WDR89: variants seen among roughly 807,000 people sequenced by gnomAD.
WDR89 encodes WD repeat-containing protein 89.
Under a neutral mutation model 29.1 loss-of-function variants are expected in WDR89, and 17 were observed. That is an observed-to-expected ratio of 0.58 (90% CI 0.40 to 0.88). The LOEUF is 0.88. Ranked by LOEUF, WDR89 falls within the 40% of genes least tolerant of loss-of-function variation. WDR89 has a pLI of 0.00. For missense variants in WDR89, 396 were observed against 456.3 expected, an observed-to-expected ratio of 0.87 and a Z score of 1.20; for synonymous variants, 138 against 157.8, an observed-to-expected ratio of 0.87 and a Z score of 0.94.
chr14:63,617,512 A>C (rs922111803), intron 2 of WDR89, among the ~76,000 whole-genome samples: 1 of 151,748 alleles, frequency 6.6e-6, no homozygotes, highest in Non-Finnish European at 1.5e-5. Flanking sequence ...TTTTTTTGAG[A>C]CCAAGTTTTG....
At chr14:63,607,290 G>A (rs996872722) in intron 2 of WDR89, among the ~76,000 whole-genome samples, 1 of 151,998 alleles carries the variant, frequency 6.6e-6, no homozygotes, top group African/African-American at 2.4e-5. Flanking sequence ...AGCCTCCCAA[G>A]TAGCTGGGAC....
At chr14:63,622,529 C>T (rs1438080924) in intron 2 of WDR89, among the ~76,000 whole-genome samples, 4 of 151,914 alleles carry the variant, frequency 2.6e-5, no homozygotes, top group African/African-American at 9.7e-5. Flanking sequence ...TGCAGTGAGC[C>T]GAGACCATGC....
chr14:63,628,536 G>A (rs535679725), intron 1 of WDR89, among the ~76,000 whole-genome samples: 2 of 152,266 alleles, frequency 1.3e-5, no homozygotes, highest in Admixed American at 6.5e-5. Context: ...TAGATAAGAT[G>A]GCTAGGACAG....
chr14:63,602,247 G>A (rs544233025), intron 2 of WDR89, among the ~76,000 whole-genome samples: 2 of 152,242 alleles, frequency 1.3e-5, no homozygotes, highest in East Asian at 3.9e-4. Flanking sequence ...GGCCGAGGCA[G>A]CGATCACTGA....
rs182549676 is a variant in WDR89, at chr14:63,639,252, G to A, written c.-138+2552C>T. ...ACAATAAATGAGGCTGAGCATGGTG[G>A]CTCATGCCAGTAATGCCAGAACTTT... On this transcript the variant is annotated intron_variant, in intron 1 of 2. Coordinates refer to ENST00000620954, the MANE Select transcript of WDR89 (RefSeq NM_080666.4). Among the ~76,000 whole-genome samples the A allele has an allele frequency of 2.6e-5, 4 of 151,904 alleles. 1 individual carries two copies. In the East Asian group the frequency reaches 7.7e-4, roughly 29 times the overall value.
At chr14:63,636,958 T>A (rs28821865) in intron 1 of WDR89, among the ~76,000 whole-genome samples, 11,712 of 152,170 alleles carry the variant, frequency 0.077, 820 homozygotes, top group African/African-American at 0.19. Context: ...CAAAAGGAAT[T>A]GTCAACAGAG....
chr14:63,617,648 C>G (rs1342516167), intron 2 of WDR89, among the ~76,000 whole-genome samples: 1 of 152,024 alleles, frequency 6.6e-6, no homozygotes, highest in Admixed American at 6.6e-5. Flanking sequence ...CCACGCCCAG[C>G]TAATTTTTGT....
intron 2 of WDR89, among the ~76,000 whole-genome samples, chr14:63,620,685 G>A (rs1286102893): frequency 6.6e-6 from 1 of 151,926 alleles, no homozygotes; most frequent in African/African-American, 2.4e-5. Context: ...AGAAGTTTGA[G>A]ACCAACCTGG....
At chr14:63,633,272 C>T (rs1883523723) in intron 1 of WDR89, among the ~76,000 whole-genome samples, 1 of 151,856 alleles carries the variant, frequency 6.6e-6, no homozygotes, top group African/African-American at 2.4e-5. Context: ...TGTATATAGA[C>T]TAGATGCTTC....
chr14:63,615,685 G>C (rs1226535583), intron 2 of WDR89, among the ~76,000 whole-genome samples: 1 of 152,158 alleles, frequency 6.6e-6, no homozygotes, highest in East Asian at 1.9e-4. Context: ...CCAGCACTTT[G>C]GCAGGCCGAG....
chr14:63,612,324 T>A (rs940979614), intron 2 of WDR89, among the ~76,000 whole-genome samples: 10 of 151,634 alleles, frequency 6.6e-5, no homozygotes, highest in Admixed American at 5.9e-4. Context: ...AAAATAAAAT[T>A]TCAAGTTTTT....
intron 2 of WDR89, among the ~76,000 whole-genome samples, chr14:63,611,235 G>C (rs116977984): frequency 0.02 from 3,045 of 151,108 alleles, 47 homozygotes; most frequent in South Asian, 0.031. Flanking sequence ...TACTAAGAAG[G>C]CTGAGGCATG....
Position 63,598,717 on chromosome 14 carries a change from T to C in WDR89, c.*62A>G. ...AAGCTTTAAACATGTCTACCATGGG[T>C]AGTAAACAAGAAGGACTATTTGAAA... is the stretch of plus-strand genomic sequence containing the variant. On this transcript the variant is annotated 3_prime_UTR_variant, in exon 3 of 3. Coordinates refer to ENST00000620954, the MANE Select transcript of WDR89 (RefSeq NM_080666.4). The C allele has an allele frequency of 1.4e-6, 2 of 1,403,422 alleles. No homozygotes were observed. The highest frequency in any genetic ancestry group is 1.4e-5 in the African/African-American group (1 of 69,720). The allele number at this position is 1,403,422 out of a possible 1,614,324, so 86.9% of individuals were successfully genotyped here. A position where few individuals can be genotyped will look rare whatever the true frequency, so the allele number is the denominator to read the frequency against.
rs114680432 is a variant in WDR89 at position 63,616,329 on chromosome 14, T to C, written c.-32+8599A>G. ...GTTATGACATGACAGGCCTAGAACA[T>C]AACAAATTCAGCAAAGAACAGTCAT... On this transcript the variant is annotated intron_variant, in intron 2 of 2. Transcript: ENST00000620954. 3.4e-3 allele frequency among the ~76,000 whole-genome samples: 510 copies of C among 152,018 alleles called. 1 individual carries two copies. Among genetic ancestry groups the C allele is most frequent in the African/African-American group, 0.012 (490 of 41,466 alleles).
At chr14:63,614,279 T>C (rs1882169201) in intron 2 of WDR89, among the ~76,000 whole-genome samples, 1 of 151,938 alleles carries the variant, frequency 6.6e-6, no homozygotes. Context: ...TAGCTTAATA[T>C]TTATCAGGCA....
intron 2 of WDR89, among the ~76,000 whole-genome samples, chr14:63,605,756 G>A (rs887522479): frequency 1.3e-4 from 19 of 151,746 alleles, no homozygotes; most frequent in African/African-American, 4.4e-4. Flanking sequence ...CACCATGCCC[G>A]GCAAGACTAT....
chr14:63,631,804 C>A (rs114968844), intron 1 of WDR89, among the ~76,000 whole-genome samples: 1 of 152,090 alleles, frequency 6.6e-6, no homozygotes, highest in Non-Finnish European at 1.5e-5. Context: ...GATGACCAAG[C>A]GGAGTTGAGT....
intron 1 of WDR89, among the ~76,000 whole-genome samples, chr14:63,631,185 G>A (rs192794877): frequency 2.7e-4 from 41 of 152,154 alleles, no homozygotes; most frequent in African/African-American, 8.9e-4. Context: ...CGAAGTATAC[G>A]TATATCAAAA....
chr14:63,622,050 AT>A (rs1213876553), intron 2 of WDR89, among the ~76,000 whole-genome samples: 2 of 152,172 alleles, frequency 1.3e-5, no homozygotes, highest in Non-Finnish European at 2.9e-5. Flanking sequence ...AATATAAGAC[AT>A]TTTTTCCTTT....
Sources: gnomAD v4.1 joint callset for allele counts (sites outside exome capture counted in the v4.1 genomes callset) on GRCh38, gnomAD v4.1.1 for gene constraint, MANE v1.5 for transcripts, NCBI Gene and HGNC (gene_info 2026-07-23, HGNC 2026-07-21) for gene names.